The following CNTRL variants were observed in gnomAD, a reference collection of about 807,000 sequenced individuals.
The protein encoded by CNTRL is 110 kDa centrosomal protein.
In CNTRL, 233 loss-of-function variants were observed where a neutral mutation model predicts 303.7. That is an observed-to-expected ratio of 0.77 (90% confidence interval 0.69 to 0.86). CNTRL has a LOEUF of 0.86. CNTRL is among the 40% of genes least tolerant of loss of function. CNTRL has a pLI of 0.00. For missense variants in CNTRL, 2,524 were observed against 2,650.6 expected (o/e 0.95, Z 1.05); for synonymous variants, 900 against 922.2 (o/e 0.98, Z 0.44).
At chr9:121,145,590 C>T (rs544883132) in intron 22 of CNTRL, among the ~76,000 whole-genome samples, 64 of 152,132 alleles carry the variant, frequency 4.2e-4, no homozygotes, top group African/African-American at 1.5e-3. Context: ...ACTTGGTTGC[C>T]AAGATAAGAG....
intron 26 of CNTRL, among the ~76,000 whole-genome samples, chr9:121,153,271 AT>A (rs1285502884): frequency 4.6e-5 from 7 of 152,066 alleles, no homozygotes; most frequent in African/African-American, 7.2e-5. Context: ...TTCCCATGTG[AT>A]TCTCAGTCCC....
At chr9:121,092,529 ATATC>A (rs1230835064) in intron 4 of CNTRL, among the ~76,000 whole-genome samples, 4 of 48,208 alleles carry the variant, frequency 8.3e-5, no homozygotes, top group African/African-American at 3.9e-4. Context: ...TATATAATAT[ATATC>A]TATATATATT....
chr9:121,105,690 A>G (rs954380545), intron 7 of CNTRL, among the ~76,000 whole-genome samples: 1 of 152,206 alleles, frequency 6.6e-6, no homozygotes, highest in African/African-American at 2.4e-5. Flanking sequence ...AGTTTTCAAG[A>G]GAGGAAGTGG....
chr9:121,166,185 G>A lies in CNTRL; in HGVS notation c.5655+5G>A, dbSNP rs772456355. The A allele has an allele frequency of 2.5e-6, 4 of 1,603,142 alleles. No individual in the cohort carries two copies. Among genetic ancestry groups the A allele is most frequent in the African/African-American group, 2.7e-5 (2 of 74,412 alleles). ...CATTTGAACCTAGCAAAACAGGTAA[G>A]GTTAACAAATGTAATATTCTAGTAG... On this transcript the variant is annotated splice_donor_5th_base_variant and intron_variant, in intron 36 of 43. Transcript: ENST00000373855.
chr9:121,096,345 G>A (rs1333706254), intron 5 of CNTRL, 77 bp from the exon 6 acceptor site: 10 of 838,488 alleles, frequency 1.2e-5, no homozygotes, highest in African/African-American at 1.8e-5. Context: ...TGGAGCTAAA[G>A]CTGTTTATTC....
chr9:121,150,415 C>T lies in CNTRL; in HGVS notation c.3895C>T (p.Pro1299Ser). 2 of 1,614,180 alleles carry T rather than the reference C, an allele frequency of 1.2e-6. No homozygotes were observed. Among genetic ancestry groups the T allele is most frequent in the East Asian group, 2.2e-5 (1 of 44,866 alleles). The change falls in exon 25 of 44, where the codon CCC (proline) becomes TCC (serine). Residue 1299 changes from proline (P) to serine (S), a missense_variant. By Grantham distance (74) the Pro-to-Ser change is moderately conservative. Coordinates refer to ENST00000373855, the MANE Select transcript of CNTRL (RefSeq NM_007018.6). Reference sequence around the variant, plus strand: ...CCCCATGGTGTATGGGCCTCCACCCCCCAACTTCTCCATCCCCTTCATCCC... The same window carrying T: ...CCCCATGGTGTATGGGCCTCCACCCTCCAACTTCTCCATCCCCTTCATCCC... ...GAPMVYGPPPPNFSIPFIPMG... is the reference protein window; with the variant it reads ...GAPMVYGPPPSNFSIPFIPMG...
At chr9:121,115,938 C>A (rs1219779364) in intron 11 of CNTRL, among the ~76,000 whole-genome samples, 3 of 151,912 alleles carry the variant, frequency 2.0e-5, no homozygotes, top group African/African-American at 7.3e-5. Context: ...TTTATTGGAA[C>A]CTTACTATAT....
At chr9:121,130,451 G>A (rs754573515) in intron 14 of CNTRL, among the ~76,000 whole-genome samples, 7 of 152,126 alleles carry the variant, frequency 4.6e-5, no homozygotes, top group African/African-American at 1.4e-4. Context: ...ATGGTAGTTT[G>A]TATCTCTGTG....
rs1564194183 is a variant in CNTRL, at chr9:121,092,443, GATAATATATATCTATATATAT to G, written c.348+2061_348+2081del. ...AGAGTGAGATATAGATAGATAGATA[GATAATATATATCTATATATAT>G]ATAATATATATCTATATATATAATA... On this transcript the variant is annotated intron_variant, in intron 4 of 43. Coordinates refer to ENST00000373855, the MANE Select transcript of CNTRL (RefSeq NM_007018.6). 2.5e-3 allele frequency among the ~76,000 whole-genome samples: 228 copies of G among 91,112 alleles called. 54 individuals carry two copies. Among genetic ancestry groups the G allele is most frequent in the Non-Finnish European group, 3.9e-3 (173 of 44,386 alleles). 59.8% of individuals were successfully genotyped at this position (91,112 alleles called of 152,430 possible).
chr9:121,156,073 T>C (rs1205405542), intron 27 of CNTRL, among the ~76,000 whole-genome samples: 1 of 151,912 alleles, frequency 6.6e-6, no homozygotes, highest in Non-Finnish European at 1.5e-5. Flanking sequence ...AGAAAATAGA[T>C]GTGAGCAGAA....
rs773084163 is a variant in CNTRL, at chr9:121,095,006, A to G, written c.467A>G (p.Tyr156Cys). The G allele has an allele frequency of 1.9e-6, 3 of 1,601,528 alleles. No individual in the cohort carries two copies. Among genetic ancestry groups the G allele is most frequent in the South Asian group, 1.1e-5 (1 of 88,660 alleles). The change falls in exon 5 of 44, where the codon TAT (tyrosine) becomes TGT (cysteine). Residue 156 changes from tyrosine to cysteine, a missense_variant. By Grantham distance (194) the Tyr-to-Cys change is radical. Coordinates refer to ENST00000373855, the MANE Select transcript of CNTRL (RefSeq NM_007018.6). ...LLKLRELNLS[Y>C]NKISKIEGIE... ...AAATTACGTGAACTCAACTTATCAT[A>G]TAACAAAATCAGGTGAGTTATATAA...
At chr9:121,157,067 GTCTT>G (rs568052069) in intron 27 of CNTRL, among the ~76,000 whole-genome samples, 4 of 152,204 alleles carry the variant, frequency 2.6e-5, no homozygotes, top group Admixed American at 1.3e-4. Flanking sequence ...TTTTTATATA[GTCTT>G]TCTGTCTTTG....
chr9:121,112,214 C>A (rs1588136555), intron 8 of CNTRL, among the ~76,000 whole-genome samples: 1 of 152,196 alleles, frequency 6.6e-6, no homozygotes, highest in African/African-American at 2.4e-5. Context: ...AATCATTATT[C>A]ATTATATCGT....
chr9:121,107,753 A>T, intron 7 of CNTRL, 49 bp from the exon 8 acceptor site: 4 of 1,153,402 alleles, frequency 3.5e-6, no homozygotes, highest in Non-Finnish European at 4.8e-6. Context: ...TTACCTTTTT[A>T]AAAATAGGAA....
At chr9:121,092,120 C>A (rs1382001069) in intron 4 of CNTRL, among the ~76,000 whole-genome samples, 3 of 145,388 alleles carry the variant, frequency 2.1e-5, no homozygotes, top group African/African-American at 7.5e-5. Context: ...ATTTTTATAG[C>A]AAACATGTAT....
At chr9:121,076,867 T>C (rs1231592667) in intron 1 of CNTRL, among the ~76,000 whole-genome samples, 2 of 152,084 alleles carry the variant, frequency 1.3e-5, no homozygotes, top group Non-Finnish European at 2.9e-5. Flanking sequence ...TGAAGTAGAC[T>C]TGGAAAGTAC....
intron 14 of CNTRL, among the ~76,000 whole-genome samples, chr9:121,127,276 T>C (rs2050583264): frequency 6.6e-6 from 1 of 152,200 alleles, no homozygotes; most frequent in South Asian, 2.1e-4. Context: ...GTTATGCTAT[T>C]GCAAACAATG....
Position 121,161,982 on chromosome 9 carries a change from A to C in CNTRL, c.5205+11A>C. 6.2e-7 allele frequency: 1 copy of C among 1,613,340 alleles called. No homozygotes were observed. The highest frequency in any genetic ancestry group is 1.1e-5 in the South Asian group (1 of 91,062). On this transcript the variant is annotated intron_variant, in intron 33 of 43. Transcript: ENST00000373855. ...GTGGCAGTGCTAGAGGTAATGAACA[A>C]AGCCAGTGTACCCTTAAGAAACTGA...
At chr9:121,075,233 A>AG (rs565527666) in intron 1 of CNTRL, among the ~76,000 whole-genome samples, 166 bp downstream of exon 1, 1 of 150,370 alleles carries the variant, frequency 6.7e-6, no homozygotes, top group South Asian at 2.1e-4. Flanking sequence ...GAAAGAGGGG[A>AG]GGGCCCGGAA....
Sources: allele counts gnomAD v4.1 joint callset (sites outside exome capture counted in the v4.1 genomes callset), GRCh38; gene constraint gnomAD v4.1.1; transcripts MANE v1.5; gene names NCBI Gene and HGNC (gene_info 2026-07-23, HGNC 2026-07-21).